Variants in SLC5A10 observed in about 807,000 individuals in gnomAD.
The protein encoded by SLC5A10 is sodium/mannose cotransporter SLC5A10.
Under a neutral mutation model 68.9 loss-of-function variants are expected in SLC5A10, and 55 were observed. That is an observed-to-expected ratio of 0.80 (90% CI 0.64 to 1.00). The LOEUF (loss-of-function observed/expected upper bound fraction) is 1.00. Ranked by LOEUF, SLC5A10 falls within the 50% of genes least tolerant of loss-of-function variation. SLC5A10 has a pLI of 0.00. For synonymous variants in SLC5A10, 344 were observed against 344.8 expected, an observed-to-expected ratio of 1.00 and a Z score of 0.02; for missense variants, 732 against 819.3, an observed-to-expected ratio of 0.89 and a Z score of 1.30.
rs898827753 is a variant in SLC5A10 at position 18,970,996 on chromosome 17, C to T, written c.641-17C>T. The T allele has an allele frequency of 4.3e-6, 7 of 1,613,412 alleles. No individual in the cohort carries two copies. Among genetic ancestry groups the T allele is most frequent in the East Asian group, 2.2e-5 (1 of 44,868 alleles). On this transcript the variant is annotated splice_polypyrimidine_tract_variant and intron_variant, in intron 7 of 14. Coordinates refer to ENST00000395645, the MANE Select transcript of SLC5A10 (RefSeq NM_001042450.4). ...CGCAACCACCAAACTGTCCCTGTTC[C>T]ACCCTGACCCCTCCAGCTTTTGACC...
upstream of SLC5A10, chr17:18,952,088 G>C: frequency 6.8e-7 from 1 of 1,462,644 alleles, no homozygotes; most frequent in Non-Finnish European, 9.1e-7. Flanking sequence ...TCATGGGCTG[G>C]AGATGCCACT....
chr17:18,977,672 C>T, intron 9 of SLC5A10: 2 of 1,610,330 alleles, frequency 1.2e-6, no homozygotes, highest in Non-Finnish European at 8.5e-7. Flanking sequence ...CCATGGGGAG[C>T]CACCCTGGGG....
In SLC5A10 at chr17:19,003,116, C is replaced by T. The variant is rs111546813; in HGVS notation, c.983-10294C>T. Reference sequence around the variant, plus strand: ...CTATTCCCTCACCCCACAACAAAAGCTCTCCCCACCAGAGAGCTCATGGTG... The same window carrying T: ...CTATTCCCTCACCCCACAACAAAAGTTCTCCCCACCAGAGAGCTCATGGTG... On this transcript the variant is annotated intron_variant, in intron 9 of 14. Coordinates refer to ENST00000395645, the MANE Select transcript of SLC5A10 (RefSeq NM_001042450.4). The surrounding 1 kb of genome is among the most constrained non-coding windows in gnomAD (Gnocchi z 4.5). Among the ~76,000 whole-genome samples the T allele has an allele frequency of 3.9e-5, 6 of 152,046 alleles. No individual in the cohort carries two copies. Among genetic ancestry groups the T allele is most frequent in the South Asian group, 2.1e-4 (1 of 4,794 alleles).
upstream of SLC5A10, among the ~76,000 whole-genome samples, chr17:18,951,013 C>G (rs2042360328): frequency 6.6e-6 from 1 of 152,372 alleles, no homozygotes; most frequent in Non-Finnish European, 1.5e-5. Context: ...GCCACTGCTC[C>G]TGGCCGAGGG....
At chr17:18,955,085 CAAAAAAAAAAA>C (rs398041580) in intron 1 of SLC5A10, among the ~76,000 whole-genome samples, 18 of 118,792 alleles carry the variant, frequency 1.5e-4, no homozygotes, top group Non-Finnish European at 1.7e-4. Flanking sequence ...AACACTGTAT[CAAAAAAAAAAA>C]AAAAAAAAAA....
intron 9 of SLC5A10, chr17:18,979,785 G>A (rs2043083001): frequency 3.2e-6 from 4 of 1,259,802 alleles, no homozygotes; most frequent in Non-Finnish European, 4.5e-6. Flanking sequence ...TAGTCAGGAG[G>A]GGAAGAAAGA....
At chr17:18,955,768 C>T (rs1028300579) in intron 1 of SLC5A10, among the ~76,000 whole-genome samples, 3 of 152,234 alleles carry the variant, frequency 2.0e-5, no homozygotes, top group African/African-American at 7.2e-5. Flanking sequence ...GCAGGAGCCA[C>T]ATCAAAAGTT....
chr17:18,958,753 G>T lies in SLC5A10; in HGVS notation c.183G>T (p.Pro61=). ...FLAGRDMTWW[P]IGASLFASSE... is the part of the protein sequence containing the mutation. Reference sequence around the variant, plus strand: ...CAGGCCGGGACATGACGTGGTGGCCGGTGAGTGCACCCTGACTTCTCACAC... The same window carrying T: ...CAGGCCGGGACATGACGTGGTGGCCTGTGAGTGCACCCTGACTTCTCACAC... Residue 61 remains proline (P), a splice_region_variant and synonymous_variant, in exon 2 of 15, where the codon CCG becomes CCT. Coordinates refer to ENST00000395645, the MANE Select transcript of SLC5A10 (RefSeq NM_001042450.4). The T allele has an allele frequency of 1.9e-6, 3 of 1,614,082 alleles. No individual in the cohort carries two copies. Among genetic ancestry groups the T allele is most frequent in the Non-Finnish European group, 2.5e-6 (3 of 1,179,958 alleles).
intron 2 of SLC5A10, 134 bp downstream of exon 2, chr17:18,958,887 C>T (rs1047374579): frequency 9.6e-7 from 1 of 1,040,150 alleles, no homozygotes; most frequent in African/African-American, 1.6e-5. Context: ...AGGAGGTCCC[C>T]AAGTGAGGGG....
intron 9 of SLC5A10, among the ~76,000 whole-genome samples, chr17:18,998,734 AT>A (rs1207806511): frequency 6.6e-6 from 1 of 152,186 alleles, no homozygotes; most frequent in African/African-American, 2.4e-5. Context: ...GGATTACTTT[AT>A]CAGATGGTTC....
intron 5 of SLC5A10, 29 bp downstream of exon 5, chr17:18,960,681 T>C (rs781032922): frequency 1.3e-5 from 21 of 1,601,974 alleles, no homozygotes; most frequent in Non-Finnish European, 1.7e-5. Flanking sequence ...CCTGCTGGCA[T>C]AGCCTGGAAA....
chr17:18,981,934 T>C (rs886430954), intron 9 of SLC5A10, among the ~76,000 whole-genome samples: 3 of 152,178 alleles, frequency 2.0e-5, no homozygotes, highest in Non-Finnish European at 4.4e-5. Flanking sequence ...TCCCTGTCAC[T>C]GAGCCCAACC....
rs1339780446 is a variant in SLC5A10 at position 19,004,454 on chromosome 17, G to A, written c.983-8956G>A. 6.6e-6 allele frequency among the ~76,000 whole-genome samples: 1 copy of A among 152,190 alleles called. No individual in the cohort carries two copies. Among genetic ancestry groups the A allele is most frequent in the Non-Finnish European group, 1.5e-5 (1 of 68,010 alleles). ...GCCTGAAGTCCTCGCAACTTCTGAG[G>A]GAAACTAGGGCAGCCGGGGAACTTC... On this transcript the variant is annotated intron_variant, in intron 9 of 14. Transcript: ENST00000395645. The surrounding 1 kb of genome is among the most constrained non-coding windows in gnomAD (Gnocchi z 5.4).
chr17:19,010,438 C>T lies in SLC5A10; in HGVS notation c.983-2972C>T, dbSNP rs139910154. ...CCTGCCAGCTCCCCAGTTCTCACTG[C>T]CCCCAGCTCTGCCTCCCCGGGGCTG... On this transcript the variant is annotated intron_variant, in intron 9 of 14. Transcript: ENST00000395645. 4.8e-3 allele frequency among the ~76,000 whole-genome samples: 725 copies of T among 152,232 alleles called. 6 individuals are homozygous for T. The highest frequency in any genetic ancestry group is 0.017 in the African/African-American group (695 of 41,518).
intron 5 of SLC5A10, among the ~76,000 whole-genome samples, chr17:18,964,148 C>T (rs1225913934): frequency 1.3e-5 from 2 of 152,186 alleles, no homozygotes; most frequent in Non-Finnish European, 2.9e-5. Flanking sequence ...CTCTCTACCC[C>T]CATGGACTCG....
chr17:18,951,916 C>T, upstream of SLC5A10: 2 of 411,340 alleles, frequency 4.9e-6, no homozygotes, highest in East Asian at 4.8e-5. Flanking sequence ...AAATGCGGTT[C>T]ATTTTCCCCA....
Position 18,952,620 on chromosome 17 carries a change from G to A in SLC5A10, c.111+304G>A. ...CTTGGGTGTGGCCCATCAGCCTCCT[G>A]GTCCCAGTCTCCATGGTGTCAGTGA... On this transcript the variant is annotated intron_variant, in intron 1 of 14. Transcript: ENST00000395645. The A allele has an allele frequency of 3.5e-5, 9 of 255,034 alleles. No individual in the cohort carries two copies. The South Asian group carries it at 5.6e-4, about 16-fold the overall frequency. The allele number at this position is 255,034 out of a possible 1,614,324, so 15.8% of individuals were successfully genotyped here.
rs372976355 is a variant in SLC5A10, at chr17:18,971,574, G to A, written c.846+356G>A. On this transcript the variant is annotated intron_variant, in intron 8 of 14. Transcript: ENST00000395645. This position sits in a 1 kb window ranked among gnomAD's most constrained non-coding sequence, Gnocchi z 5.5. ...GGGCTGCCGGGATCCGGAAGCAGGC[G>A]GGGTACCTGACCTCCCTTGGCCTGC... 1.5e-5 allele frequency: 24 copies of A among 1,613,560 alleles called. No individual in the cohort carries two copies. The highest frequency in any genetic ancestry group is 1.1e-4 in the African/African-American group (8 of 74,914).
In SLC5A10 at chr17:19,013,429, G is replaced by A. The variant is rs1194240067; in HGVS notation, c.1002G>A (p.Val334=). The change falls in exon 10 of 15, where the codon GTG becomes GTA. Residue 334 remains valine, a synonymous_variant. Coordinates refer to ENST00000395645, the MANE Select transcript of SLC5A10 (RefSeq NM_001042450.4). ...ALFPDDVGCV[V]PSECLRACGA... ...GAACAGATGATGTGGGCTGCGTGGT[G>A]CCGTCCGAGTGCCTGCGGGCCTGCG... is the stretch of plus-strand genomic sequence containing the variant. 1 of 1,606,672 alleles carries A rather than the reference G, an allele frequency of 6.2e-7. No individual in the cohort carries two copies. The highest frequency in any genetic ancestry group is 8.5e-7 in the Non-Finnish European group (1 of 1,176,456).
Sources: allele counts gnomAD v4.1 joint callset (sites outside exome capture counted in the v4.1 genomes callset), GRCh38; gene constraint gnomAD v4.1.1; non-coding constraint Gnocchi (gnomAD v3.1); transcripts MANE v1.5; gene names NCBI Gene and HGNC (gene_info 2026-07-23, HGNC 2026-07-21).